The following MYT1L variants were observed in gnomAD, a reference collection of about 807,000 sequenced individuals.
MYT1L encodes myelin transcription factor 1-like protein.
A neutral mutation model predicts 126.7 loss-of-function variants in MYT1L; 12 were observed. That is an observed-to-expected ratio of 0.09 (90% CI 0.06 to 0.15). The LOEUF is 0.15. Among genes scored for constraint, MYT1L ranks in the 10% least tolerant of loss-of-function variants. The pLI is 1.00. For synonymous variants in MYT1L, 541 were observed against 604.2 expected (o/e 0.90, Z 1.53); for missense variants, 979 against 1,585.2 (o/e 0.62, Z 6.49).
chr2:1,954,933 G>A (rs1250185518), intron 8 of MYT1L, among the ~76,000 whole-genome samples: 1 of 150,916 alleles, frequency 6.6e-6, no homozygotes, highest in Non-Finnish European at 1.5e-5. Flanking sequence ...GAAAGAGAAA[G>A]TGAGAGAGAG....
chr2:1,907,737 G>C (rs1047989140), intron 13 of MYT1L, among the ~76,000 whole-genome samples: 1 of 152,256 alleles, frequency 6.6e-6, no homozygotes, highest in Admixed American at 6.5e-5. Flanking sequence ...ATGACTGTAG[G>C]TTTAACTTCA....
intron 2 of MYT1L, among the ~76,000 whole-genome samples, chr2:2,263,829 G>A (rs2095054124): frequency 6.6e-6 from 1 of 152,104 alleles, no homozygotes; most frequent in Admixed American, 6.5e-5. Context: ...TTTGCATCTT[G>A]GGTTCCCTAT....
intron 2 of MYT1L, among the ~76,000 whole-genome samples, chr2:2,241,246 G>A (rs2094434514): frequency 6.6e-6 from 1 of 151,114 alleles, no homozygotes; most frequent in Admixed American, 6.6e-5. Context: ...AGTTTTAAAT[G>A]TATATTGGTT....
intron 8 of MYT1L, among the ~76,000 whole-genome samples, chr2:1,955,429 TTA>T (rs2058261335): frequency 6.6e-6 from 1 of 152,164 alleles, no homozygotes; most frequent in Non-Finnish European, 1.5e-5. Flanking sequence ...TATAAATATA[TTA>T]TATGTAAAAT....
At chr2:2,004,999 C>T (rs1282031016) in intron 4 of MYT1L, among the ~76,000 whole-genome samples, 1 of 147,140 alleles carries the variant, frequency 6.8e-6, no homozygotes, top group East Asian at 2.0e-4. Flanking sequence ...GGCGTTCTTT[C>T]CTGCATGCCT....
chr2:1,921,976 A>C (rs2053624158), intron 10 of MYT1L, among the ~76,000 whole-genome samples: 2 of 152,168 alleles, frequency 1.3e-5, no homozygotes, highest in African/African-American at 4.8e-5. Flanking sequence ...GGCTTACCCT[A>C]ATATTTTCTA....
intron 9 of MYT1L, among the ~76,000 whole-genome samples, chr2:1,926,068 C>T (rs576565268): frequency 6.6e-6 from 1 of 152,324 alleles, no homozygotes; most frequent in South Asian, 2.1e-4. Flanking sequence ...CCGTGTGCTT[C>T]TACCCTTCTT....
chr2:2,276,982 T>TC (rs397771029), intron 2 of MYT1L, among the ~76,000 whole-genome samples: 2 of 151,248 alleles, frequency 1.3e-5, no homozygotes, highest in South Asian at 2.1e-4. Flanking sequence ...TTCTTTTTTT[T>TC]TCTCTTTTTC....
chr2:2,147,292 T>C (rs766701340), intron 3 of MYT1L, among the ~76,000 whole-genome samples: 4 of 152,200 alleles, frequency 2.6e-5, no homozygotes, highest in Non-Finnish European at 5.9e-5. Context: ...AAACAAAACC[T>C]GGAAGGACTC....
In MYT1L at chr2:2,205,020, C is replaced by G. The variant is rs991934008; in HGVS notation, c.-420-32032G>C. Among the ~76,000 whole-genome samples, 32 of 149,532 alleles carry G rather than the reference C, an allele frequency of 2.1e-4. No individual in the cohort carries two copies. In the Middle Eastern group the frequency reaches 0.01, roughly 48 times the overall value. On this transcript the variant is annotated intron_variant, in intron 2 of 24. Transcript: ENST00000647738. ...AGCAAACTAGCGCAAGGACAAAAAACCAAACACTGCATGTTCTCACTCACA... is the reference window on the plus strand; with the variant it reads ...AGCAAACTAGCGCAAGGACAAAAAAGCAAACACTGCATGTTCTCACTCACA...
intron 4 of MYT1L, among the ~76,000 whole-genome samples, chr2:2,004,272 G>GGCGTTCTTTCCTGCAT (rs1558697866): frequency 0.014 from 519 of 36,686 alleles, 44 homozygotes; most frequent in Middle Eastern, 0.043. Flanking sequence ...CTTTCCTGCA[G>GGCGTTCTTTCCTGCAT]GCGTTCTTTC....
At chr2:2,255,661 C>T (rs2094788752) in intron 2 of MYT1L, among the ~76,000 whole-genome samples, 1 of 152,136 alleles carries the variant, frequency 6.6e-6, no homozygotes, top group South Asian at 2.1e-4. Context: ...GGCCGTCATC[C>T]TGTTTTTAGC....
At chr2:2,152,992 C>A (rs1575520016) in intron 3 of MYT1L, among the ~76,000 whole-genome samples, 1 of 152,036 alleles carries the variant, frequency 6.6e-6, no homozygotes, top group Non-Finnish European at 1.5e-5. Flanking sequence ...GATATTGATG[C>A]CACTGAGCTA....
chr2:2,008,622 C>T (rs780426208), intron 4 of MYT1L, among the ~76,000 whole-genome samples: 9 of 152,148 alleles, frequency 5.9e-5, no homozygotes, highest in Non-Finnish European at 1.0e-4. Context: ...TTTTTTTCCA[C>T]TCTATAGGCT....
At position 1,997,991 on chromosome 2, in the gene MYT1L, G is replaced by T. The variant is rs945849498; in HGVS notation, c.-157-644C>A. ...CTCAGAACTCCCCAGTTAGTCAGGAGATAATAATTGAAACTGAATTATCTG... is the reference window on the plus strand; with the variant it reads ...CTCAGAACTCCCCAGTTAGTCAGGATATAATAATTGAAACTGAATTATCTG... On this transcript the variant is annotated intron_variant, in intron 4 of 24. Transcript: ENST00000647738. 2.0e-5 allele frequency among the ~76,000 whole-genome samples: 3 copies of T among 152,188 alleles called. No individual in the cohort carries two copies. The East Asian group carries it at 5.8e-4, about 29-fold the overall frequency.
intron 9 of MYT1L, among the ~76,000 whole-genome samples, chr2:1,939,114 G>A (rs1031240183): frequency 7.9e-5 from 12 of 152,210 alleles, no homozygotes; most frequent in Non-Finnish European, 1.6e-4. Flanking sequence ...CAGCAGTTCC[G>A]TCACGACGCC....
At chr2:2,222,276 C>T (rs1460077418) in intron 2 of MYT1L, among the ~76,000 whole-genome samples, 1 of 152,058 alleles carries the variant, frequency 6.6e-6, no homozygotes, top group Non-Finnish European at 1.5e-5. Flanking sequence ...GGGTGGATCA[C>T]CTGAGGTCAG....
chr2:1,941,281 G>A (rs1054563719), intron 9 of MYT1L, among the ~76,000 whole-genome samples: 6 of 152,050 alleles, frequency 3.9e-5, no homozygotes, highest in Non-Finnish European at 8.8e-5. Context: ...TTAATCCGTC[G>A]CACCAAACAT....
At chr2:2,254,257 A>T (rs1238546112) in intron 2 of MYT1L, among the ~76,000 whole-genome samples, 1 of 152,234 alleles carries the variant, frequency 6.6e-6, no homozygotes, top group Non-Finnish European at 1.5e-5. Context: ...AATGCCGTTC[A>T]TGGGGAAAAT....
Sources: gnomAD v4.1 joint callset for allele counts (sites outside exome capture counted in the v4.1 genomes callset) on GRCh38, gnomAD v4.1.1 for gene constraint, MANE v1.5 for transcripts, NCBI Gene and HGNC (gene_info 2026-07-23, HGNC 2026-07-21) for gene names.